The following EIF4E3 variants were observed in gnomAD, a reference collection of about 807,000 sequenced individuals.
The protein encoded by EIF4E3 is eukaryotic translation initiation factor 4E family member 3, also known as eukaryotic translation initiation factor 4E type 3.
Under a neutral mutation model 31.7 loss-of-function variants are expected in EIF4E3, and 26 were observed. That is an observed-to-expected ratio of 0.82 (90% confidence interval 0.60 to 1.14). The LOEUF (loss-of-function observed/expected upper bound fraction) is 1.14, where lower values mean the gene tolerates loss of function less well. EIF4E3 is among the 50% of genes most tolerant of loss of function. The pLI is 0.00. For missense variants in EIF4E3, 304 were observed against 270.9 expected, an observed-to-expected ratio of 1.12 and a Z score of -0.86; for synonymous variants, 128 against 107.7, an observed-to-expected ratio of 1.19 and a Z score of -1.17.
At chr3:71,738,656 T>C (rs533885739) in intron 1 of EIF4E3, among the ~76,000 whole-genome samples, 13 of 152,026 alleles carry the variant, frequency 8.6e-5, no homozygotes, top group African/African-American at 2.9e-4. Context: ...TCAAAATACA[T>C]GAAGCAAAAC....
At chr3:71,748,313 G>A (rs1043378313) in intron 1 of EIF4E3, among the ~76,000 whole-genome samples, 1 of 152,170 alleles carries the variant, frequency 6.6e-6, no homozygotes, top group Non-Finnish European at 1.5e-5. Flanking sequence ...TGCAGGGCTG[G>A]CTATGGGACT....
Position 71,677,635 on chromosome 3 carries a change from C to T in EIF4E3, c.*7047G>A, listed in dbSNP as rs148979235. 2.0e-5 allele frequency: 3 copies of T among 152,282 alleles called. No homozygotes were observed. The highest frequency in any genetic ancestry group is 6.5e-5 in the Admixed American group (1 of 15,296). The allele number at this position is 152,282 out of a possible 1,614,324, so 9.4% of individuals were successfully genotyped here. ...CCTAGTGTTATGCCCTGCTCTTCAA[C>T]GATTTCATTAAATTCGCTGTGTTAA... On this transcript the variant is annotated 3_prime_UTR_variant, in exon 7 of 7. Coordinates refer to ENST00000425534, the MANE Select transcript of EIF4E3 (RefSeq NM_001134651.2).
At chr3:71,738,841 AT>A (rs1256100090) in intron 1 of EIF4E3, among the ~76,000 whole-genome samples, 4 of 150,886 alleles carry the variant, frequency 2.7e-5, no homozygotes, top group African/African-American at 4.9e-5. Flanking sequence ...GCAGAACACA[AT>A]TTTTTTTTCA....
intron 3 of EIF4E3, among the ~76,000 whole-genome samples, chr3:71,698,930 A>T (rs78051279): frequency 7.9e-5 from 12 of 152,138 alleles, no homozygotes; most frequent in Admixed American, 3.9e-4. Context: ...CTCAAATTAC[A>T]TTTCTGGTGG....
At chr3:71,746,484 A>G (rs1024562787) in intron 1 of EIF4E3, among the ~76,000 whole-genome samples, 1 of 152,218 alleles carries the variant, frequency 6.6e-6, no homozygotes, top group African/African-American at 2.4e-5. Context: ...ACATGATCAT[A>G]TGGCAAGGCA....
At chr3:71,731,893 T>C (rs1306226659) in intron 1 of EIF4E3, among the ~76,000 whole-genome samples, 1 of 152,200 alleles carries the variant, frequency 6.6e-6, no homozygotes, top group Non-Finnish European at 1.5e-5. Context: ...TTTCCAAATA[T>C]ATTTAGAGAG....
intron 2 of EIF4E3, 36 bp from the exon 3 acceptor site, chr3:71,699,744 C>G (rs1256931172): frequency 6.5e-7 from 1 of 1,535,174 alleles, no homozygotes; most frequent in Admixed American, 1.7e-5. Context: ...TTTAATATAC[C>G]CAGTATTGAT....
Position 71,679,288 on chromosome 3 carries a change from CTTCATG to C in EIF4E3, c.*5388_*5393del, listed in dbSNP as rs2048896811. 6.6e-6 allele frequency: 1 copy of C among 152,152 alleles called. No individual in the cohort carries two copies. Among genetic ancestry groups the C allele is most frequent in the Non-Finnish European group, 1.5e-5 (1 of 68,008 alleles). The allele number at this position is 152,152 out of a possible 1,614,324, so 9.4% of individuals were successfully genotyped here. ...AGAAAACTCAGAAACACTCAATTTA[CTTCATG>C]TTCAGTTCTATAATGCAAAGTTGAC... is the stretch of plus-strand genomic sequence containing the variant. On this transcript the variant is annotated 3_prime_UTR_variant, in exon 7 of 7. Coordinates refer to ENST00000425534, the MANE Select transcript of EIF4E3 (RefSeq NM_001134651.2).
chr3:71,689,783 C>T (rs1417727552), intron 6 of EIF4E3, among the ~76,000 whole-genome samples: 2 of 150,588 alleles, frequency 1.3e-5, no homozygotes, highest in African/African-American at 2.5e-5. Flanking sequence ...TTTGTTATTT[C>T]GTTTTCTGAT....
At chr3:71,736,437 T>C (rs1044149284) in intron 1 of EIF4E3, among the ~76,000 whole-genome samples, 47 of 152,200 alleles carry the variant, frequency 3.1e-4, no homozygotes, top group African/African-American at 1.1e-3. Flanking sequence ...CAGTAAACTA[T>C]GGTACATCCA....
chr3:71,686,646 A>G (rs1264243869), intron 6 of EIF4E3, among the ~76,000 whole-genome samples: 1 of 152,004 alleles, frequency 6.6e-6, no homozygotes, highest in Admixed American at 6.6e-5. Flanking sequence ...CAAGGAAATT[A>G]CACTATGCTT....
chr3:71,673,930 TAAAA>T (rs36017704), downstream of EIF4E3, among the ~76,000 whole-genome samples: 1 of 126,764 alleles, frequency 7.9e-6, no homozygotes, highest in East Asian at 5.5e-4. Context: ...TATATATATA[TAAAA>T]AACATAATAT....
rs143428887 is a variant in EIF4E3, at chr3:71,702,527, T to C, written c.250-2819A>G. ...AAAACACTAAAGATCATGCTAAGGA[T>C]TGGAGCTTTAGAAGCTTCTCTTGAA... On this transcript the variant is annotated intron_variant, in intron 2 of 6. Transcript: ENST00000425534. 1.9e-4 allele frequency among the ~76,000 whole-genome samples: 29 copies of C among 152,316 alleles called. No homozygotes were observed. The East Asian group carries it at 4.2e-3, about 22-fold the overall frequency.
chr3:71,719,582 A>T (rs2049515512), intron 1 of EIF4E3, among the ~76,000 whole-genome samples: 1 of 152,102 alleles, frequency 6.6e-6, no homozygotes, highest in African/African-American at 2.4e-5. Context: ...ACTGTGTACC[A>T]GGCACTGTAA....
At chr3:71,675,139 TCTC>T (rs1559581666), downstream of EIF4E3, among the ~76,000 whole-genome samples, 1 of 152,178 alleles carries the variant, frequency 6.6e-6, no homozygotes, top group Non-Finnish European at 1.5e-5. Flanking sequence ...TCTCTGCTCT[TCTC>T]CTTTCCAATC....
At chr3:71,712,203 T>C (rs538005362) in intron 1 of EIF4E3, among the ~76,000 whole-genome samples, 3 of 152,322 alleles carry the variant, frequency 2.0e-5, no homozygotes, top group African/African-American at 7.2e-5. Flanking sequence ...ATTTTGTTGT[T>C]GTCAGACTTT....
chr3:71,710,386 C>T, intron 2 of EIF4E3, 26 bp downstream of exon 2: 1 of 1,549,938 alleles, frequency 6.5e-7, no homozygotes, highest in Non-Finnish European at 8.7e-7. Context: ...CCGTGTTAAT[C>T]CAGTTAGTCC....
intron 1 of EIF4E3, among the ~76,000 whole-genome samples, chr3:71,713,729 C>G (rs1469761659): frequency 3.3e-5 from 5 of 152,102 alleles, no homozygotes; most frequent in Non-Finnish European, 7.4e-5. Context: ...GAGCCATCAC[C>G]TCGAGGCCTG....
Position 71,690,059 on chromosome 3 carries a change from C to G in EIF4E3, c.579G>C (p.Lys193Asn). Residue 193 changes from lysine (K) to asparagine (N), a missense_variant, in exon 6 of 7, where the codon AAG (lysine) becomes AAC (asparagine). Coordinates refer to ENST00000425534, the MANE Select transcript of EIF4E3 (RefSeq NM_001134651.2). ...SLVGEATVLE[K>N]IYELLPHITF... Reference sequence around the variant, plus strand: ...TTATGTGGGGCAGAAGTTCATAGATCTTTTCTAAAACAGTCGCTTCACCCA... The same window carrying G: ...TTATGTGGGGCAGAAGTTCATAGATGTTTTCTAAAACAGTCGCTTCACCCA... 3 of 1,613,390 alleles carry G rather than the reference C, an allele frequency of 1.9e-6. No individual in the cohort carries two copies. The highest frequency in any genetic ancestry group is 1.7e-6 in the Non-Finnish European group (2 of 1,179,706).
Sources: allele counts gnomAD v4.1 joint callset (sites outside exome capture counted in the v4.1 genomes callset), GRCh38; gene constraint gnomAD v4.1.1; transcripts MANE v1.5; gene names NCBI Gene and HGNC (gene_info 2026-07-23, HGNC 2026-07-21).